Variants in NEMF observed in about 807,000 individuals in gnomAD.
The protein encoded by NEMF is nuclear export mediator factor, also known as ribosome quality control complex subunit NEMF.
NEMF carries 89 observed loss-of-function variants against 162.2 expected under a neutral mutation model. That is an observed-to-expected ratio of 0.55 (90% CI 0.46 to 0.65). The LOEUF (loss-of-function observed/expected upper bound fraction) is 0.65, where lower values mean the gene tolerates loss of function less well. Among genes scored for constraint, NEMF ranks in the 30% least tolerant of loss-of-function variants. NEMF has a pLI of 0.00. For missense variants in NEMF, 1,133 were observed against 1,261.9 expected (o/e 0.90, Z 1.55); for synonymous variants, 421 against 404.5 (o/e 1.04, Z -0.49).
At chr14:49,795,516 C>T (rs765136104) in intron 26 of NEMF, among the ~76,000 whole-genome samples, 1 of 152,162 alleles carries the variant, frequency 6.6e-6, no homozygotes, top group Non-Finnish European at 1.5e-5. Context: ...AGCTCTGCTA[C>T]TTAACTAGCT....
chr14:49,840,926 G>GTGGC, intron 4 of NEMF, 60 bp from the exon 5 acceptor site: 1 of 1,485,338 alleles, frequency 6.7e-7, no homozygotes. Context: ...GCCAGGCACA[G>GTGGC]TGGCTCACAC....
chr14:49,823,044 C>A (rs890825820), intron 16 of NEMF, among the ~76,000 whole-genome samples: 5 of 149,902 alleles, frequency 3.3e-5, no homozygotes, highest in Non-Finnish European at 7.4e-5. Context: ...TCAAGTGATT[C>A]TTGTGTCTCA....
chr14:49,806,136 A>G lies in NEMF; in HGVS notation c.1745-3T>C, dbSNP rs914273520. ...GGTCCGTGGGGGGATGGGTTCTCCT[A>G]GAATAACAATGCATAATGTTTCAAT... is the stretch of plus-strand genomic sequence containing the variant. On this transcript the variant is annotated splice_region_variant and splice_polypyrimidine_tract_variant and intron_variant, in intron 18 of 32. Coordinates refer to ENST00000298310, the MANE Select transcript of NEMF (RefSeq NM_004713.6). 2.5e-6 allele frequency: 4 copies of G among 1,605,480 alleles called. No homozygotes were observed. The Admixed American group carries it at 6.7e-5, about 27-fold the overall frequency.
chr14:49,823,102 A>G (rs1892164667), intron 16 of NEMF, among the ~76,000 whole-genome samples: 1 of 151,870 alleles, frequency 6.6e-6, no homozygotes, highest in South Asian at 2.1e-4. Flanking sequence ...ACACTCAGCT[A>G]ATTTTTTTTG....
chr14:49,816,873 T>C (rs1046546647), intron 16 of NEMF, among the ~76,000 whole-genome samples: 1 of 152,116 alleles, frequency 6.6e-6, no homozygotes, highest in Non-Finnish European at 1.5e-5. Context: ...TTTGTAATCA[T>C]CCTAGTAAGG....
chr14:49,831,682 C>G (rs1243120772), intron 10 of NEMF, among the ~76,000 whole-genome samples: 3 of 152,166 alleles, frequency 2.0e-5, no homozygotes, highest in Non-Finnish European at 4.4e-5. Flanking sequence ...ACTGATCTGC[C>G]TGCCTTGGCC....
intron 18 of NEMF, among the ~76,000 whole-genome samples, chr14:49,813,270 G>A (rs1891563399): frequency 6.6e-6 from 1 of 152,148 alleles, no homozygotes; most frequent in Admixed American, 6.5e-5. Flanking sequence ...TTGAATCTGT[G>A]ATTTTTGGAT....
At chr14:49,801,696 C>A (rs1890964338) in intron 22 of NEMF, among the ~76,000 whole-genome samples, 1 of 152,100 alleles carries the variant, frequency 6.6e-6, no homozygotes, top group Non-Finnish European at 1.5e-5. Context: ...CTCAGGTAGG[C>A]AGATGAATTT....
intron 28 of NEMF, among the ~76,000 whole-genome samples, chr14:49,787,839 GA>G (rs1205159965): frequency 2.6e-5 from 4 of 151,472 alleles, no homozygotes; most frequent in Admixed American, 2.6e-4. Flanking sequence ...TGTTCAGCAG[GA>G]AAAAAAAGAA....
rs1555346800 is a variant in NEMF at position 49,806,228 on chromosome 14, A to ATGTGTGTG, written c.1745-96_1745-95insCACACACA. On this transcript the variant is annotated intron_variant, in intron 18 of 32. Coordinates refer to ENST00000298310, the MANE Select transcript of NEMF (RefSeq NM_004713.6). ...CATGCCGCATGACAGGGTCAATGAT[A>ATGTGTGTG]TGTGTATATATATATATATATATAT... 1.8e-4 allele frequency: 26 copies of ATGTGTGTG among 142,578 alleles called. 1 individual carries two copies. The highest frequency in any genetic ancestry group is 2.5e-4 in the Non-Finnish European group (20 of 81,290). 8.8% of individuals were successfully genotyped at this position (142,578 alleles called of 1,614,324 possible).
At chr14:49,842,647 C>T (rs1893271974) in intron 4 of NEMF, among the ~76,000 whole-genome samples, 1 of 152,252 alleles carries the variant, frequency 6.6e-6, no homozygotes, top group South Asian at 2.1e-4. Flanking sequence ...TAAGTGGCTT[C>T]AGTAAATGTA....
intron 15 of NEMF, among the ~76,000 whole-genome samples, chr14:49,827,727 C>A (rs1051683215): frequency 1.3e-5 from 2 of 151,834 alleles, no homozygotes; most frequent in Non-Finnish European, 2.9e-5. Context: ...GTGGGAGAAT[C>A]GCTTGAACCT....
rs1026491339 is a variant in NEMF, at chr14:49,784,656, G to C, written c.3211C>G (p.Leu1071Val). Residue 1071 changes from leucine to valine, a missense_variant, in exon 33 of 33, where the codon CTG becomes GTG. Transcript: ENST00000298310. The part of the protein sequence containing the change: ...GKVKVSAPNL[L>V]NVKRK ...TTCAGCTATTTCCTTTTTACGTTCA[G>C]AAGATTGGGTGCAGACACTTTCACT... 1.2e-6 allele frequency: 2 copies of C among 1,610,918 alleles called. No homozygotes were observed. Among genetic ancestry groups the C allele is most frequent in the Non-Finnish European group, 1.7e-6 (2 of 1,178,580 alleles).
At chr14:49,827,826 GGGTCACAAT>G (rs1892437317) in intron 15 of NEMF, among the ~76,000 whole-genome samples, 1 of 150,772 alleles carries the variant, frequency 6.6e-6, no homozygotes, top group Non-Finnish European at 1.5e-5. Context: ...AAAAAAAAAA[GGGTCACAAT>G]GGCTGCTATG....
intron 13 of NEMF, 110 bp downstream of exon 13, chr14:49,828,944 C>T: frequency 1.5e-6 from 2 of 1,330,680 alleles, no homozygotes; most frequent in African/African-American, 1.5e-5. Flanking sequence ...TTAGTTTTTT[C>T]CCTTTCTTTG....
intron 6 of NEMF, among the ~76,000 whole-genome samples, chr14:49,837,520 G>C (rs770775102): frequency 6.6e-6 from 1 of 151,886 alleles, no homozygotes; most frequent in South Asian, 2.1e-4. Flanking sequence ...AAAAAGAAAA[G>C]AAATTTGCAT....
chr14:49,802,619 A>G, intron 21 of NEMF, 46 bp from the exon 22 acceptor site: 2 of 1,611,594 alleles, frequency 1.2e-6, no homozygotes, highest in Non-Finnish European at 1.7e-6. Context: ...AGACAAGACT[A>G]ATGAAAATCA....
intron 25 of NEMF, among the ~76,000 whole-genome samples, chr14:49,798,573 C>T (rs946124748): frequency 8.5e-5 from 13 of 152,176 alleles, no homozygotes; most frequent in African/African-American, 3.1e-4. Context: ...GGTTTCATTA[C>T]ACACTGTTTC....
Position 49,800,402 on chromosome 14 carries a change from A to G in NEMF, c.2372+18T>C. 1 of 1,553,546 alleles carries G rather than the reference A, an allele frequency of 6.4e-7. No homozygotes were observed. Among genetic ancestry groups the G allele is most frequent in the Non-Finnish European group, 8.7e-7 (1 of 1,146,616 alleles). On this transcript the variant is annotated intron_variant, in intron 23 of 32. Coordinates refer to ENST00000298310, the MANE Select transcript of NEMF (RefSeq NM_004713.6). The stretch of plus-strand genomic sequence containing the variant: ...CTCAGCTTACACAATAATATGTAAA[A>G]TTTTATTTTTTAATTACCTTTGGGG...
Sources: allele counts gnomAD v4.1 joint callset (sites outside exome capture counted in the v4.1 genomes callset), GRCh38; gene constraint gnomAD v4.1.1; transcripts MANE v1.5; gene names NCBI Gene and HGNC (gene_info 2026-07-23, HGNC 2026-07-21).